Variants in TANGO6 observed in about 807,000 individuals in gnomAD.
TANGO6 encodes the protein transport and golgi organization 6 homolog, also known as transport and Golgi organization protein 6 homolog.
Under a neutral mutation model 114.2 loss-of-function variants are expected in TANGO6, and 90 were observed. The observed-to-expected ratio is 0.79, with a 90% confidence interval of 0.66 to 0.94. The LOEUF is 0.94. TANGO6 is among the 40% of genes least tolerant of loss of function. The probability of loss-of-function intolerance (pLI) is 0.00; values close to 1 mark genes in which losing one functional copy is unlikely to be tolerated. For missense variants in TANGO6, 1,274 were observed against 1,315.3 expected (o/e 0.97, Z 0.49); for synonymous variants, 477 against 509.8 (o/e 0.94, Z 0.87).
intron 15 of TANGO6, among the ~76,000 whole-genome samples, chr16:69,018,128 G>A (rs916905908): frequency 6.8e-5 from 9 of 133,206 alleles, no homozygotes; most frequent in Admixed American, 2.4e-4. Context: ...ATGCCCAGCC[G>A]TTGGAAATCT....
intron 16 of TANGO6, among the ~76,000 whole-genome samples, chr16:69,033,449 G>T (rs1382969714): frequency 6.6e-6 from 1 of 152,158 alleles, no homozygotes; most frequent in Non-Finnish European, 1.5e-5. Flanking sequence ...TGTGTGAAAC[G>T]CAGAGGAGTA....
intron 14 of TANGO6, among the ~76,000 whole-genome samples, chr16:68,962,705 G>C (rs1567549126): frequency 6.6e-6 from 1 of 151,960 alleles, no homozygotes; most frequent in Non-Finnish European, 1.5e-5. Context: ...AGGTTGTGGT[G>C]AGTCAAGATT....
At chr16:68,930,148 C>T (rs573834874) in intron 13 of TANGO6, 90 bp from the exon 14 acceptor site, 10 of 1,110,730 alleles carry the variant, frequency 9.0e-6, no homozygotes, top group East Asian at 7.7e-5. Flanking sequence ...AGAAGCGAAG[C>T]ATTTACTCCT....
chr16:68,883,869 T>C (rs1258758552), intron 7 of TANGO6, among the ~76,000 whole-genome samples: 7 of 152,152 alleles, frequency 4.6e-5, no homozygotes, highest in Admixed American at 4.6e-4. Flanking sequence ...TACTAGTAGA[T>C]TCATAGATAG....
chr16:69,070,318 T>C (rs1466326446), intron 17 of TANGO6, among the ~76,000 whole-genome samples: 1 of 151,518 alleles, frequency 6.6e-6, no homozygotes, highest in African/African-American at 2.4e-5. Flanking sequence ...CTAGGTACAA[T>C]GCTTATATAT....
intron 14 of TANGO6, among the ~76,000 whole-genome samples, chr16:68,960,644 G>A (rs1963579604): frequency 6.6e-6 from 1 of 152,112 alleles, no homozygotes; most frequent in Admixed American, 6.6e-5. Flanking sequence ...GGGATTGCAA[G>A]TGTACGCCAC....
At chr16:68,931,476 A>G (rs1963238689) in intron 14 of TANGO6, among the ~76,000 whole-genome samples, 1 of 152,252 alleles carries the variant, frequency 6.6e-6, no homozygotes. Context: ...TATTATTCAC[A>G]ATAACCAAGA....
chr16:68,993,586 T>C (rs76505021), intron 15 of TANGO6, among the ~76,000 whole-genome samples: 5,545 of 152,330 alleles, frequency 0.036, 155 homozygotes, highest in South Asian at 0.11. Flanking sequence ...ACTTGAGGGA[T>C]GGATGATCTG....
chr16:68,866,291 T>G (rs972449228), intron 3 of TANGO6, among the ~76,000 whole-genome samples: 1 of 152,102 alleles, frequency 6.6e-6, no homozygotes, highest in African/African-American at 2.4e-5. Flanking sequence ...GAAGTCTGTA[T>G]AGCACACTGT....
intron 14 of TANGO6, 165 bp from the exon 15 acceptor site, chr16:68,973,863 G>A (rs574533761): frequency 4.4e-5 from 32 of 725,936 alleles, no homozygotes; most frequent in African/African-American, 1.2e-4. Context: ...GCCCATCTTC[G>A]TTCCACTCAC....
intron 15 of TANGO6, among the ~76,000 whole-genome samples, chr16:69,007,998 T>G (rs1306716952): frequency 6.6e-6 from 1 of 152,190 alleles, no homozygotes; most frequent in Non-Finnish European, 1.5e-5. Context: ...TGTCTTTCTT[T>G]TTTGTGTTGT....
intron 15 of TANGO6, among the ~76,000 whole-genome samples, chr16:69,009,939 C>G (rs913181879): frequency 2.0e-5 from 3 of 152,122 alleles, no homozygotes; most frequent in Non-Finnish European, 4.4e-5. Flanking sequence ...GTACTAAGAG[C>G]GAAATGGGTG....
At chr16:68,958,966 T>C (rs1014530710) in intron 14 of TANGO6, among the ~76,000 whole-genome samples, 3 of 152,138 alleles carry the variant, frequency 2.0e-5, no homozygotes, top group Non-Finnish European at 4.4e-5. Flanking sequence ...TGTCCTGTTA[T>C]ATCTCACTAA....
At chr16:69,063,662 A>C (rs1051908018) in intron 17 of TANGO6, among the ~76,000 whole-genome samples, 1 of 149,218 alleles carries the variant, frequency 6.7e-6, no homozygotes, top group Non-Finnish European at 1.5e-5. Flanking sequence ...AAAAAAAAAA[A>C]AAAAAAAACA....
chr16:69,054,070 A>G (rs994316231), intron 17 of TANGO6, among the ~76,000 whole-genome samples: 1 of 149,688 alleles, frequency 6.7e-6, no homozygotes, highest in African/African-American at 2.5e-5. Flanking sequence ...GTCTCAAAAG[A>G]AAAAAAAAAG....
At chr16:69,074,749 C>A (rs1046389753) in intron 17 of TANGO6, among the ~76,000 whole-genome samples, 2 of 150,594 alleles carry the variant, frequency 1.3e-5, no homozygotes, top group Non-Finnish European at 2.9e-5. Flanking sequence ...CAAGTCTCAG[C>A]CTCATTTTCC....
chr16:69,031,910 G>A (rs1017489704), intron 16 of TANGO6, among the ~76,000 whole-genome samples: 10 of 151,880 alleles, frequency 6.6e-5, no homozygotes, highest in African/African-American at 1.9e-4. Context: ...CAACCTGCCC[G>A]CCTCAGCCTG....
intron 14 of TANGO6, chr16:68,937,076 A>T (rs964955553): frequency 6.6e-6 from 1 of 152,250 alleles, no homozygotes; most frequent in Non-Finnish European, 1.5e-5. Context: ...TTAACTTGTC[A>T]GGGCCTGAAT....
intron 15 of TANGO6, among the ~76,000 whole-genome samples, chr16:68,978,672 A>G (rs1963788650): frequency 6.6e-6 from 1 of 152,098 alleles, no homozygotes; most frequent in East Asian, 1.9e-4. Context: ...TAGTTCCCTC[A>G]GCCTAGGCCT....
Sources: gnomAD v4.1 joint callset for allele counts (sites outside exome capture counted in the v4.1 genomes callset) on GRCh38, gnomAD v4.1.1 for gene constraint, MANE v1.5 for transcripts, NCBI Gene and HGNC (gene_info 2026-07-23, HGNC 2026-07-21) for gene names.